The following EYA2 variants were observed in gnomAD, a reference collection of about 807,000 sequenced individuals.
EYA2 encodes protein phosphatase EYA2.
A neutral mutation model predicts 69.2 loss-of-function variants in EYA2; 31 were observed. The ratio of observed to expected loss-of-function variants is 0.45; its 90% CI spans 0.34 to 0.60. The LOEUF (loss-of-function observed/expected upper bound fraction) is 0.60, where lower values mean the gene tolerates loss of function less well. Ranked by LOEUF, EYA2 falls within the 20% of genes least tolerant of loss-of-function variation. EYA2 has a pLI of 0.02. For missense variants in EYA2, 622 were observed against 701.2 expected (o/e 0.89, Z 1.28); for synonymous variants, 257 against 279.4 (o/e 0.92, Z 0.80).
chr20:47,123,159 C>T (rs144368693), intron 9 of EYA2, among the ~76,000 whole-genome samples: 5 of 152,018 alleles, frequency 3.3e-5, no homozygotes, highest in East Asian at 1.9e-4. Context: ...AAGCAAATGA[C>T]ACTTTTTTTT....
chr20:47,124,455 A>G (rs903149748), intron 9 of EYA2, among the ~76,000 whole-genome samples: 42 of 152,328 alleles, frequency 2.8e-4, no homozygotes, highest in African/African-American at 9.9e-4. Flanking sequence ...AGTGTGCTGA[A>G]GTGTGACGAC....
chr20:47,162,689 T>C (rs2034094214), intron 10 of EYA2, among the ~76,000 whole-genome samples: 4 of 151,922 alleles, frequency 2.6e-5, no homozygotes. Context: ...TGGCTAATTT[T>C]TGTATTTTTG....
intron 1 of EYA2, among the ~76,000 whole-genome samples, chr20:46,952,370 G>A (rs141308636): frequency 1.3e-5 from 2 of 152,224 alleles, no homozygotes; most frequent in Non-Finnish European, 1.5e-5. Context: ...CATGGGTTGC[G>A]CTTGGCTCTT....
At chr20:47,040,837 G>T (rs1250781001) in intron 5 of EYA2, among the ~76,000 whole-genome samples, 1 of 148,404 alleles carries the variant, frequency 6.7e-6, no homozygotes, top group Non-Finnish European at 1.5e-5. Context: ...GTGTCTGGGG[G>T]TTAGGGGGGA....
At chr20:47,144,213 G>A (rs538820265) in intron 10 of EYA2, among the ~76,000 whole-genome samples, 8 of 152,176 alleles carry the variant, frequency 5.3e-5, no homozygotes, top group Admixed American at 3.3e-4. Context: ...AAAATTAGCC[G>A]GGCATGGTGG....
At position 47,061,190 on chromosome 20, in the gene EYA2, C is replaced by G. The variant is rs534385570; in HGVS notation, c.416-10995C>G. 4.6e-5 allele frequency among the ~76,000 whole-genome samples: 7 copies of G among 152,272 alleles called. No individual in the cohort carries two copies. In the South Asian group the frequency reaches 1.0e-3, roughly 23 times the overall value. ...CTTTACTCTCCTTCTTCCCTTGTCTCTTGTCCTACCCCATTTCCCTAGCCT... is the reference window on the plus strand; with the variant it reads ...CTTTACTCTCCTTCTTCCCTTGTCTGTTGTCCTACCCCATTTCCCTAGCCT... On this transcript the variant is annotated intron_variant, in intron 5 of 15. Coordinates refer to ENST00000327619, the MANE Select transcript of EYA2 (RefSeq NM_005244.5).
At chr20:47,020,489 G>GT (rs1342069510) in intron 5 of EYA2, among the ~76,000 whole-genome samples, 1 of 152,256 alleles carries the variant, frequency 6.6e-6, no homozygotes, top group African/African-American at 2.4e-5. Flanking sequence ...TCACCCTGGG[G>GT]TTTTTATAGC....
chr20:46,907,786 C>T (rs917753163), intron 1 of EYA2, among the ~76,000 whole-genome samples: 2 of 152,068 alleles, frequency 1.3e-5, no homozygotes, highest in Non-Finnish European at 2.9e-5. Flanking sequence ...TTGCAGTGAG[C>T]CGAGATGGTG....
chr20:46,928,002 C>G (rs1478125433), intron 1 of EYA2, among the ~76,000 whole-genome samples: 1 of 152,234 alleles, frequency 6.6e-6, no homozygotes, highest in Non-Finnish European at 1.5e-5. Context: ...GTAGCATTTA[C>G]TATGCTGCAG....
chr20:46,996,936 G>C (rs936074459), intron 2 of EYA2, among the ~76,000 whole-genome samples: 23 of 152,118 alleles, frequency 1.5e-4, no homozygotes, highest in Non-Finnish European at 3.1e-4. Flanking sequence ...TGGCAGTAGA[G>C]GTGGTCTGAA....
intron 1 of EYA2, among the ~76,000 whole-genome samples, chr20:46,970,841 A>G (rs1307862699): frequency 6.6e-6 from 1 of 152,162 alleles, no homozygotes; most frequent in Non-Finnish European, 1.5e-5. Flanking sequence ...ATGTTAAGGA[A>G]TATTGTGGCT....
intron 10 of EYA2, among the ~76,000 whole-genome samples, chr20:47,159,681 C>A (rs2034024473): frequency 6.6e-6 from 1 of 152,036 alleles, no homozygotes; most frequent in Non-Finnish European, 1.5e-5. Flanking sequence ...ATCTTTGCAA[C>A]TTTTCTGTAA....
chr20:47,005,079 C>T lies in EYA2; in HGVS notation c.293C>T (p.Ser98Phe). Residue 98 changes from serine (S) to phenylalanine (F), a missense_variant, in exon 4 of 16, where the codon TCC becomes TTC. Around this residue, in one of 2 missense-constraint regions of EYA2, gnomAD observed 365 missense variants for 349.7 expected, o/e 1.04. Transcript: ENST00000327619. The stretch of plus-strand genomic sequence containing the variant: ...CCAGCACAAGCCTATGGAATCCCTT[C>T]CTACAGTGAGTAGTAAACAAGTCCT... ...PPPAQAYGIP[S>F]YSIKTEDSLN... is the part of the protein sequence containing the mutation. The T allele has an allele frequency of 6.2e-7, 1 of 1,613,546 alleles. No individual in the cohort carries two copies. Among genetic ancestry groups the T allele is most frequent in the Non-Finnish European group, 8.5e-7 (1 of 1,179,742 alleles).
chr20:47,014,531 G>T (rs779487959), intron 4 of EYA2, among the ~76,000 whole-genome samples: 10 of 152,024 alleles, frequency 6.6e-5, no homozygotes, highest in Non-Finnish European at 1.3e-4. Context: ...GCACCATTCA[G>T]CAACATCCAA....
chr20:47,112,166 A>G (rs776479553), intron 9 of EYA2, among the ~76,000 whole-genome samples: 7 of 152,148 alleles, frequency 4.6e-5, no homozygotes, highest in Admixed American at 1.3e-4. Flanking sequence ...AGCCATGACT[A>G]TTTAGGAGGA....
intron 1 of EYA2, among the ~76,000 whole-genome samples, chr20:46,918,253 G>A (rs1056374610): frequency 2.2e-4 from 34 of 151,934 alleles, no homozygotes; most frequent in Non-Finnish European, 3.4e-4. Context: ...CCCAGGAGGC[G>A]GAGCTTGCAG....
At chr20:46,964,750 T>C (rs1282636437) in intron 1 of EYA2, among the ~76,000 whole-genome samples, 1 of 152,326 alleles carries the variant, frequency 6.6e-6, no homozygotes, top group East Asian at 1.9e-4. Flanking sequence ...AGGATGTTAC[T>C]TGCCCAAGGT....
At chr20:46,930,338 T>C (rs1985613929) in intron 1 of EYA2, among the ~76,000 whole-genome samples, 1 of 152,242 alleles carries the variant, frequency 6.6e-6, no homozygotes, top group Non-Finnish European at 1.5e-5. Flanking sequence ...AAAGGCTTTT[T>C]ATAATATTAT....
chr20:47,019,055 A>G (rs1180058603), intron 5 of EYA2, among the ~76,000 whole-genome samples: 2 of 152,194 alleles, frequency 1.3e-5, no homozygotes, highest in Non-Finnish European at 2.9e-5. Flanking sequence ...CACTTACCCA[A>G]GGTCACACGG....
Sources: gnomAD v4.1 joint callset for allele counts (sites outside exome capture counted in the v4.1 genomes callset) on GRCh38, gnomAD v4.1.1 for gene constraint, gnomAD v4.1.1 regional missense constraint, MANE v1.5 for transcripts, NCBI Gene and HGNC (gene_info 2026-07-23, HGNC 2026-07-21) for gene names.